Variants in ZC4H2 observed in about 807,000 individuals in gnomAD.
The protein encoded by ZC4H2 is zinc finger C4H2 domain-containing protein.
For missense variants in ZC4H2, 137 were observed against 173.9 expected (o/e 0.79, Z 1.19); for synonymous variants, 84 against 66.3 (o/e 1.27, Z -1.30).
chrX:65,003,561 A>G, intron 1 of ZC4H2, among the ~76,000 whole-genome samples: 1 of 111,737 alleles, frequency 8.9e-6, no homozygotes, highest in South Asian at 3.7e-4. Context: ...GAAAAAAGAG[A>G]AGAATGAAAT....
chrX:64,958,058 TA>T (rs775895248), intron 1 of ZC4H2, among the ~76,000 whole-genome samples: 71 of 110,848 alleles, frequency 6.4e-4, no homozygotes, highest in Non-Finnish European at 1.2e-3. Context: ...GTTTTACAGT[TA>T]TTTTTTTTTA....
chrX:65,006,512 G>A (rs1444444449), intron 1 of ZC4H2, among the ~76,000 whole-genome samples: 1 of 104,967 alleles, frequency 9.5e-6, no homozygotes, highest in Non-Finnish European at 1.9e-5. Flanking sequence ...TGAACAATGA[G>A]ACCACTTGGA....
chrX:64,999,906 G>A (rs1446502136), intron 1 of ZC4H2, among the ~76,000 whole-genome samples: 2 of 112,227 alleles, frequency 1.8e-5, no homozygotes, highest in African/African-American at 3.2e-5. Context: ...TCCTCTCTGG[G>A]CAGGGCATTT....
chrX:64,940,829 C>T (rs1047208117), intron 1 of ZC4H2, among the ~76,000 whole-genome samples: 7 of 111,697 alleles, frequency 6.3e-5, no homozygotes, highest in Non-Finnish European at 1.1e-4. Flanking sequence ...AGTCAGGTAG[C>T]GTGATATCCC....
chrX:64,919,246 A>G (rs761119692), intron 3 of ZC4H2, 42 bp from the exon 4 acceptor site: 1 of 1,197,154 alleles, frequency 8.4e-7, no homozygotes, highest in Admixed American at 2.2e-5. Flanking sequence ...TCTGAAAGCA[A>G]TGAGAACCTT....
chrX:64,926,769 T>C lies in ZC4H2; in HGVS notation c.54-4781A>G, dbSNP rs201815435. 1.4e-4 allele frequency among the ~76,000 whole-genome samples: 16 copies of C among 111,927 alleles called. No homozygotes were observed. In the East Asian group the frequency reaches 4.5e-3, roughly 32 times the overall value. ...TGAACTGCATAGATTCACTTGTACATGGATTTTTTTCAACAAAATATGGAT... is the reference window on the plus strand; with the variant it reads ...TGAACTGCATAGATTCACTTGTACACGGATTTTTTTCAACAAAATATGGAT... On this transcript the variant is annotated intron_variant, in intron 1 of 4. Transcript: ENST00000374839.
At chrX:64,949,349 T>C (rs1251415846) in intron 1 of ZC4H2, among the ~76,000 whole-genome samples, 1 of 112,258 alleles carries the variant, frequency 8.9e-6, no homozygotes, top group East Asian at 2.8e-4. Flanking sequence ...TTTTGCCTTC[T>C]TAAATTTTTT....
At chrX:65,007,086 C>T (rs923737782) in intron 1 of ZC4H2, among the ~76,000 whole-genome samples, 2 of 109,681 alleles carry the variant, frequency 1.8e-5, no homozygotes, top group Admixed American at 1.9e-4. Flanking sequence ...TGAAGTGTCT[C>T]GAAGAATGTC....
In ZC4H2 at chrX:64,964,533, G is replaced by A. The variant is rs181857895; in HGVS notation, c.53+11792C>T. ...GGTGTATCACTTTTAAAGTACGGAC[G>A]AAATCCATGCCAATATAGAATTATT... On this transcript the variant is annotated intron_variant, in intron 1 of 4. Transcript: ENST00000374839. 1.3e-3 allele frequency among the ~76,000 whole-genome samples: 150 copies of A among 111,464 alleles called. 1 individual carries two copies. Among genetic ancestry groups the A allele is most frequent in the Middle Eastern group, 4.6e-3 (1 of 216 alleles).
intron 1 of ZC4H2, among the ~76,000 whole-genome samples, chrX:65,024,098 G>T (rs1932857562): frequency 9.1e-6 from 1 of 109,690 alleles, no homozygotes; most frequent in African/African-American, 3.3e-5. Context: ...ACACACCGGG[G>T]CCTATCGGCG....
intron 1 of ZC4H2, among the ~76,000 whole-genome samples, chrX:64,934,663 T>C (rs1250904892): frequency 8.9e-6 from 1 of 111,812 alleles, no homozygotes; most frequent in East Asian, 2.8e-4. Context: ...TTGGGACTGG[T>C]TGGACAGTGG....
At chrX:65,012,538 T>TTCC (rs911400325) in intron 1 of ZC4H2, among the ~76,000 whole-genome samples, 13 of 111,639 alleles carry the variant, frequency 1.2e-4, no homozygotes, top group Non-Finnish European at 2.3e-4. Context: ...ATCTTACTTC[T>TTCC]TCCTCTCTCA....
intron 1 of ZC4H2, among the ~76,000 whole-genome samples, chrX:64,958,251 TATG>T (rs973744075): frequency 1.8e-5 from 2 of 112,204 alleles, no homozygotes; most frequent in Non-Finnish European, 1.9e-5. Context: ...TACATTGCAC[TATG>T]ATGTTACAGT....
chrX:64,956,411 T>C (rs1931158076), intron 1 of ZC4H2, among the ~76,000 whole-genome samples: 1 of 111,385 alleles, frequency 9.0e-6, no homozygotes. Context: ...CTCAAAAGTT[T>C]TAAATGTTTG....
intron 4 of ZC4H2, 160 bp downstream of exon 4, chrX:64,918,882 A>AC: frequency 6.5e-6 from 4 of 614,494 alleles, no homozygotes; most frequent in Non-Finnish European, 9.4e-6. Flanking sequence ...GTGTGTGTCC[A>AC]ACACAGCACA....
chrX:64,951,027 A>G lies in ZC4H2; in HGVS notation c.53+25298T>C, dbSNP rs769721303. 2.0e-3 allele frequency among the ~76,000 whole-genome samples: 220 copies of G among 110,478 alleles called. 1 individual carries two copies. The highest frequency in any genetic ancestry group is 6.5e-3 in the African/African-American group (199 of 30,395). ...TGTGTCCATGTGTTCTCATTGTTCA[A>G]TTCCCACCTATGAGTGAGAACATGC... is the stretch of plus-strand genomic sequence containing the variant. On this transcript the variant is annotated intron_variant, in intron 1 of 4. Transcript: ENST00000374839.
rs746754477 is a variant in ZC4H2 at position 64,919,087 on chromosome X, A to T, written c.516T>A (p.Asp172Glu). 1.7e-6 allele frequency: 2 copies of T among 1,195,620 alleles called. No individual in the cohort carries two copies. The highest frequency in any genetic ancestry group is 3.7e-5 in the South Asian group (2 of 54,621). Residue 172 changes from aspartate to glutamate, a missense_variant, in exon 4 of 5, where the codon GAT becomes GAA. Asp to Glu is a conservative substitution (Grantham distance 45). Transcript: ENST00000374839. ...GCCTGAAGGTGGCCGTCTGCCGAGT[A>T]TCCTGCTTCCTAGCCACTTGGAGCT... ...AQQLQVARKQDTRQTATFRQQ... is the reference protein window; with the variant it reads ...AQQLQVARKQETRQTATFRQQ...
At chrX:64,980,398 C>T (rs1284689535), upstream of ZC4H2, among the ~76,000 whole-genome samples, 1 of 111,406 alleles carries the variant, frequency 9.0e-6, no homozygotes, top group Non-Finnish European at 1.9e-5. Flanking sequence ...AAGGGGAGAA[C>T]CAATTTAGTC....
At chrX:64,920,383 C>A (rs183568319) in intron 2 of ZC4H2, 130 bp from the exon 3 acceptor site, 2 of 644,886 alleles carry the variant, frequency 3.1e-6, no homozygotes, top group Non-Finnish European at 4.5e-6. Context: ...ATCTCCCATG[C>A]CCTCTCCATG....
Sources: allele counts gnomAD v4.1 joint callset (sites outside exome capture counted in the v4.1 genomes callset), GRCh38; gene constraint gnomAD v4.1.1; transcripts MANE v1.5; gene names NCBI Gene and HGNC (gene_info 2026-07-23, HGNC 2026-07-21).